C1orf87: variants seen among roughly 807,000 people sequenced by gnomAD.
C1orf87 encodes uncharacterized protein C1orf87.
In C1orf87, 58 loss-of-function variants were observed where a neutral mutation model predicts 60.5. The observed-to-expected ratio is 0.96, with a 90% CI of 0.78 to 1.19. The LOEUF (loss-of-function observed/expected upper bound fraction) is 1.19. Ranked by LOEUF, C1orf87 falls within the 50% of genes most tolerant of loss-of-function variation. The probability of loss-of-function intolerance (pLI) is 0.00; values close to 1 mark genes in which losing one functional copy is unlikely to be tolerated. For synonymous variants in C1orf87, 236 were observed against 227.4 expected, an observed-to-expected ratio of 1.04 and a Z score of -0.34; for missense variants, 673 against 638.6, an observed-to-expected ratio of 1.05 and a Z score of -0.58.
intron 9 of C1orf87, among the ~76,000 whole-genome samples, chr1:60,005,709 G>A (rs1645039674): frequency 6.6e-6 from 1 of 152,116 alleles, no homozygotes; most frequent in Admixed American, 6.5e-5. Flanking sequence ...GAAGAGAAAT[G>A]GGTGAAGTGT....
At chr1:59,998,968 G>T (rs1167029815) in intron 10 of C1orf87, among the ~76,000 whole-genome samples, 1 of 152,044 alleles carries the variant, frequency 6.6e-6, no homozygotes, top group Non-Finnish European at 1.5e-5. Flanking sequence ...TTTGTTCATT[G>T]AAATCTAAAT....
intron 9 of C1orf87, among the ~76,000 whole-genome samples, chr1:60,003,725 A>G (rs1645023648): frequency 6.6e-6 from 1 of 152,064 alleles, no homozygotes; most frequent in South Asian, 2.1e-4. Flanking sequence ...AGCACCCCTC[A>G]TTAGAATTAA....
At chr1:60,025,378 G>T in intron 8 of C1orf87, 23 bp downstream of exon 8, 1 of 1,567,116 alleles carries the variant, frequency 6.4e-7, no homozygotes, top group Non-Finnish European at 8.8e-7. Context: ...CAAACATTCA[G>T]TTCTTAATAA....
At chr1:60,061,818 G>T (rs1389271855) in intron 2 of C1orf87, among the ~76,000 whole-genome samples, 1 of 144,216 alleles carries the variant, frequency 6.9e-6, no homozygotes. Flanking sequence ...GGGCTTTGTG[G>T]TGCACACCTG....
At chr1:60,016,763 GCCCCTGGAGCTTAAATGTTTC>G (rs887644038) in intron 8 of C1orf87, among the ~76,000 whole-genome samples, 15 of 152,158 alleles carry the variant, frequency 9.9e-5, no homozygotes, top group African/African-American at 3.6e-4. Context: ...GATCATACCT[GCCCCTGGAGCTTAAATGTTTC>G]CCTCTTTGGT....
At chr1:60,005,770 C>CGTGTGTGT (rs139222813) in intron 9 of C1orf87, among the ~76,000 whole-genome samples, 5 of 144,014 alleles carry the variant, frequency 3.5e-5, no homozygotes, top group African/African-American at 1.3e-4. Flanking sequence ...GAAGCTGATT[C>CGTGTGTGT]GTGTGTGTGT....
chr1:60,073,495 T>C (rs940162986), intron 1 of C1orf87, among the ~76,000 whole-genome samples, 195 bp downstream of exon 1: 1 of 152,210 alleles, frequency 6.6e-6, no homozygotes, highest in African/African-American at 2.4e-5. Flanking sequence ...GTCTGATGTC[T>C]AGGCCAGGGT....
At chr1:60,014,288 G>A (rs1645110365) in intron 8 of C1orf87, among the ~76,000 whole-genome samples, 1 of 152,096 alleles carries the variant, frequency 6.6e-6, no homozygotes, top group East Asian at 1.9e-4. Flanking sequence ...TGTGGTGAAG[G>A]GATAGAGTAT....
intron 2 of C1orf87, among the ~76,000 whole-genome samples, chr1:60,058,513 T>A (rs2100322951): frequency 6.6e-6 from 1 of 152,314 alleles, no homozygotes; most frequent in East Asian, 1.9e-4. Context: ...TAACTATGGT[T>A]TGCAATGTTT....
At chr1:60,013,852 A>C (rs556997856) in intron 8 of C1orf87, among the ~76,000 whole-genome samples, 2 of 152,000 alleles carry the variant, frequency 1.3e-5, no homozygotes, top group African/African-American at 4.8e-5. Context: ...TCAGGCATAC[A>C]CCTGGTGCAC....
intron 11 of C1orf87, among the ~76,000 whole-genome samples, chr1:59,994,363 G>A (rs1040872512): frequency 1.3e-5 from 2 of 151,718 alleles, no homozygotes; most frequent in African/African-American, 4.8e-5. Flanking sequence ...CTTGAATTAT[G>A]GCTCACCATC....
rs1644953716 is a variant in C1orf87, at chr1:59,995,006, A to AATTCCTT, written c.1480+2602_1480+2603insAAGGAAT. On this transcript the variant is annotated intron_variant, in intron 11 of 11. Coordinates refer to ENST00000371201, the MANE Select transcript of C1orf87 (RefSeq NM_152377.3). ...TGGCTGACACATTCCTTGGCTGTTG[A>AATTCCTT]GGAACTAATGAATTTCATGGAAACA... Among the ~76,000 whole-genome samples the AATTCCTT allele has an allele frequency of 2.0e-5, 3 of 152,178 alleles. No individual in the cohort carries two copies. The South Asian group carries it at 6.2e-4, about 32-fold the overall frequency.
intron 10 of C1orf87, among the ~76,000 whole-genome samples, chr1:60,000,778 C>A (rs911023122): frequency 2.0e-5 from 3 of 151,960 alleles, no homozygotes; most frequent in African/African-American, 7.2e-5. Flanking sequence ...CGGTCACAAG[C>A]TTTGGAAGGA....
intron 8 of C1orf87, among the ~76,000 whole-genome samples, chr1:60,019,421 C>T (rs978854228): frequency 4.6e-5 from 7 of 152,100 alleles, no homozygotes. Context: ...ACCCAGTCTC[C>T]GGTTGTTCCT....
intron 6 of C1orf87, among the ~76,000 whole-genome samples, chr1:60,036,454 G>C (rs1330767085): frequency 6.6e-6 from 1 of 152,130 alleles, no homozygotes; most frequent in Non-Finnish European, 1.5e-5. Flanking sequence ...CAGCTGAAAG[G>C]AGTGTCCTCT....
At chr1:60,048,223 C>G (rs1002970176) in intron 3 of C1orf87, among the ~76,000 whole-genome samples, 5 of 152,180 alleles carry the variant, frequency 3.3e-5, no homozygotes, top group South Asian at 2.1e-4. Context: ...CCATGTCATG[C>G]ACACCCCTAG....
At chr1:60,061,789 AAAAAAAAAAAAAAT>A (rs1314866257) in intron 2 of C1orf87, among the ~76,000 whole-genome samples, 6 of 150,538 alleles carry the variant, frequency 4.0e-5, no homozygotes, top group Non-Finnish European at 4.4e-5. Flanking sequence ...AAAAAAAAAA[AAAAAAAAAAAAAAT>A]AGCTGGGCTT....
At chr1:60,069,121 T>C (rs952382569) in intron 2 of C1orf87, among the ~76,000 whole-genome samples, 1 of 152,186 alleles carries the variant, frequency 6.6e-6, no homozygotes, top group Non-Finnish European at 1.5e-5. Flanking sequence ...GTTGTAAGCA[T>C]GTACTATTCC....
In C1orf87 at chr1:60,025,448, C is replaced by A; in HGVS notation, c.1080G>T (p.Leu360=). 6.2e-7 allele frequency: 1 copy of A among 1,613,008 alleles called. No homozygotes were observed. Among genetic ancestry groups the A allele is most frequent in the East Asian group, 2.2e-5 (1 of 44,800 alleles). The change falls in exon 8 of 12, where the codon CTG becomes CTT. Residue 360 remains leucine (L), a synonymous_variant. Transcript: ENST00000371201. ...KHGLYLTLSL[L]ETLLNHQDLG... The stretch of plus-strand genomic sequence containing the variant: ...AATCTTGATGGTTAAGCAATGTTTC[C>A]AGCAGGCTCAGGGTCAGATATAATC...
Sources: allele counts gnomAD v4.1 joint callset (sites outside exome capture counted in the v4.1 genomes callset), GRCh38; gene constraint gnomAD v4.1.1; transcripts MANE v1.5; gene names NCBI Gene and HGNC (gene_info 2026-07-23, HGNC 2026-07-21).